Variants in FBXL7 observed in about 807,000 individuals in gnomAD.
The protein encoded by FBXL7 is F-box and leucine rich repeat protein 7.
FBXL7 carries 12 observed loss-of-function variants against 38.3 expected under a neutral mutation model. The ratio of observed to expected loss-of-function variants is 0.31; its 90% confidence interval spans 0.20 to 0.51. The LOEUF (loss-of-function observed/expected upper bound fraction) is 0.51, where lower values mean the gene tolerates loss of function less well. Ranked by LOEUF, FBXL7 falls within the 20% of genes least tolerant of loss-of-function variation. FBXL7 has a pLI of 0.98. For synonymous variants in FBXL7, 297 were observed against 300.9 expected, an observed-to-expected ratio of 0.99 and a Z score of 0.13; for missense variants, 567 against 676.4, an observed-to-expected ratio of 0.84 and a Z score of 1.79.
At chr5:15,853,037 G>A (rs1299016437) in intron 2 of FBXL7, among the ~76,000 whole-genome samples, 1 of 152,166 alleles carries the variant, frequency 6.6e-6, no homozygotes, top group African/African-American at 2.4e-5. Flanking sequence ...TTCTCTATGA[G>A]GCAGATCATG....
At chr5:15,754,686 T>C (rs1198521554) in intron 2 of FBXL7, among the ~76,000 whole-genome samples, 1 of 152,190 alleles carries the variant, frequency 6.6e-6, no homozygotes, top group African/African-American at 2.4e-5. Context: ...TCTAGTTGTA[T>C]CTGTATCTCT....
intron 2 of FBXL7, among the ~76,000 whole-genome samples, chr5:15,651,313 G>A (rs764646993): frequency 3.9e-5 from 6 of 152,036 alleles, no homozygotes; most frequent in Non-Finnish European, 7.4e-5. Context: ...AGCCAGGATA[G>A]TCTCCATCTC....
chr5:15,616,444 G>C (rs966138724), intron 2 of FBXL7, among the ~76,000 whole-genome samples: 2 of 152,136 alleles, frequency 1.3e-5, no homozygotes, highest in Admixed American at 1.3e-4. Flanking sequence ...TTTCAAAATA[G>C]GCACACCTGG....
chr5:15,666,918 A>T (rs1457231658), intron 2 of FBXL7, among the ~76,000 whole-genome samples: 1 of 152,192 alleles, frequency 6.6e-6, no homozygotes, highest in African/African-American at 2.4e-5. Flanking sequence ...CCTTGGTCTT[A>T]GTTGATCAAT....
At chr5:15,716,212 G>C (rs2126647589) in intron 2 of FBXL7, among the ~76,000 whole-genome samples, 1 of 152,342 alleles carries the variant, frequency 6.6e-6, no homozygotes, top group East Asian at 1.9e-4. Flanking sequence ...TCTCTCTTGA[G>C]ATGAAGATTT....
intron 2 of FBXL7, among the ~76,000 whole-genome samples, chr5:15,804,350 T>C: frequency 6.6e-6 from 1 of 151,904 alleles, no homozygotes. Flanking sequence ...ACAACTATAG[T>C]CCCAGCTACT....
chr5:15,688,086 T>A (rs1188161853), intron 2 of FBXL7, among the ~76,000 whole-genome samples: 1 of 152,258 alleles, frequency 6.6e-6, no homozygotes, highest in Non-Finnish European at 1.5e-5. Context: ...CATATTTAAA[T>A]GTATAACATT....
At chr5:15,798,337 T>A (rs533119673) in intron 2 of FBXL7, among the ~76,000 whole-genome samples, 2 of 152,340 alleles carry the variant, frequency 1.3e-5, no homozygotes, top group East Asian at 3.9e-4. Flanking sequence ...AAGCCACTTA[T>A]ACACTCTACT....
intron 2 of FBXL7, among the ~76,000 whole-genome samples, chr5:15,838,585 G>A (rs1479289570): frequency 1.3e-5 from 2 of 152,150 alleles, no homozygotes; most frequent in African/African-American, 2.4e-5. Flanking sequence ...GAGCATCCTC[G>A]TTGCTGAATG....
chr5:15,891,432 T>G (rs1280606940), intron 2 of FBXL7, among the ~76,000 whole-genome samples: 1 of 152,238 alleles, frequency 6.6e-6, no homozygotes, highest in African/African-American at 2.4e-5. Context: ...TTTCTACATT[T>G]TAGAATCCAT....
At chr5:15,904,066 T>C (rs1741297782) in intron 2 of FBXL7, among the ~76,000 whole-genome samples, 1 of 152,218 alleles carries the variant, frequency 6.6e-6, no homozygotes. Flanking sequence ...AGGCATAAGA[T>C]AAGAGTATCT....
At chr5:15,572,809 G>A (rs1738835052) in intron 1 of FBXL7, among the ~76,000 whole-genome samples, 1 of 152,118 alleles carries the variant, frequency 6.6e-6, no homozygotes, top group South Asian at 2.1e-4. Context: ...TCCAAGCAGC[G>A]TAAACCACAA....
At chr5:15,826,355 A>G (rs942911408) in intron 2 of FBXL7, among the ~76,000 whole-genome samples, 1 of 152,224 alleles carries the variant, frequency 6.6e-6, no homozygotes, top group Non-Finnish European at 1.5e-5. Context: ...TCGAGAAAAT[A>G]GCGTCTATAG....
chr5:15,673,488 A>G (rs1482021268), intron 2 of FBXL7, among the ~76,000 whole-genome samples: 1 of 152,168 alleles, frequency 6.6e-6, no homozygotes, highest in Non-Finnish European at 1.5e-5. Context: ...GTATAAACTG[A>G]TTGTAAACAT....
At chr5:15,844,361 G>A (rs1579512386) in intron 2 of FBXL7, among the ~76,000 whole-genome samples, 1 of 152,292 alleles carries the variant, frequency 6.6e-6, no homozygotes, top group East Asian at 1.9e-4. Flanking sequence ...CCCACTGTGA[G>A]AGGAGTTGGG....
chr5:15,684,004 T>C (rs1276488233), intron 2 of FBXL7, among the ~76,000 whole-genome samples: 1 of 152,148 alleles, frequency 6.6e-6, no homozygotes, highest in Admixed American at 6.5e-5. Context: ...AAAATTAAAT[T>C]ATTTTAATAA....
intron 2 of FBXL7, among the ~76,000 whole-genome samples, chr5:15,809,149 A>G (rs1361211598): frequency 6.6e-6 from 1 of 152,238 alleles, no homozygotes; most frequent in Non-Finnish European, 1.5e-5. Flanking sequence ...CAATGTCTGC[A>G]TATCACAAAC....
chr5:15,783,381 C>T (rs1409680743), intron 2 of FBXL7, among the ~76,000 whole-genome samples: 2 of 151,996 alleles, frequency 1.3e-5, no homozygotes, highest in Non-Finnish European at 2.9e-5. Context: ...ATGCCTAAGG[C>T]AGAGTGGAAA....
intron 2 of FBXL7, among the ~76,000 whole-genome samples, chr5:15,751,762 C>A (rs372756525): frequency 6.6e-6 from 1 of 152,062 alleles, no homozygotes; most frequent in African/African-American, 2.4e-5. Context: ...AATGCATTTG[C>A]GTTTGGTGTT....
Sources: gnomAD v4.1 joint callset for allele counts (sites outside exome capture counted in the v4.1 genomes callset) on GRCh38, gnomAD v4.1.1 for gene constraint, MANE v1.5 for transcripts, NCBI Gene and HGNC (gene_info 2026-07-23, HGNC 2026-07-21) for gene names.